The following GSK3B variants were observed in gnomAD, a reference collection of about 807,000 sequenced individuals.
GSK3B encodes glycogen synthase kinase-3 beta.
GSK3B carries 15 observed loss-of-function variants against 56.4 expected under a neutral mutation model. That is an observed-to-expected ratio of 0.27 (90% CI 0.18 to 0.41). The LOEUF (loss-of-function observed/expected upper bound fraction) is 0.41, where lower values mean the gene tolerates loss of function less well. GSK3B is among the 10% of genes least tolerant of loss of function. GSK3B has a pLI of 1.00. For missense variants in GSK3B, 300 were observed against 513.4 expected (o/e 0.58, Z 4.02); for synonymous variants, 181 against 188.9 (o/e 0.96, Z 0.34).
chr3:119,869,700 A>G (rs1391559446), intron 8 of GSK3B, among the ~76,000 whole-genome samples: 8 of 152,188 alleles, frequency 5.3e-5, no homozygotes, highest in Non-Finnish European at 1.0e-4. Context: ...CTTTTAGTGA[A>G]ACGTATAATA....
chr3:119,943,454 T>C (rs987917761), intron 3 of GSK3B, among the ~76,000 whole-genome samples: 1 of 152,192 alleles, frequency 6.6e-6, no homozygotes, highest in African/African-American at 2.4e-5. Flanking sequence ...TAAATAATTA[T>C]GCATATACCT....
chr3:119,995,676 G>A (rs1174309507), intron 2 of GSK3B, among the ~76,000 whole-genome samples: 15 of 151,364 alleles, frequency 9.9e-5, no homozygotes, highest in Non-Finnish European at 1.3e-4. Context: ...CACCCGCCTC[G>A]GCCTCCCAAA....
intron 2 of GSK3B, among the ~76,000 whole-genome samples, chr3:119,947,898 A>G (rs2057116066): frequency 6.6e-6 from 1 of 151,786 alleles, no homozygotes; most frequent in African/African-American, 2.4e-5. Flanking sequence ...GAAAGAAAAG[A>G]AAAGAAATTA....
intron 7 of GSK3B, among the ~76,000 whole-genome samples, chr3:119,890,163 T>C (rs1468210806): frequency 5.3e-5 from 8 of 152,066 alleles, no homozygotes; most frequent in Non-Finnish European, 1.2e-4. Flanking sequence ...TAAACATATG[T>C]CTGCAAAAAC....
intron 3 of GSK3B, among the ~76,000 whole-genome samples, chr3:119,941,697 AAATTAATGT>A (rs778160473): frequency 3.3e-5 from 5 of 152,236 alleles, no homozygotes; most frequent in Non-Finnish European, 7.3e-5. Context: ...GTAAAATAGT[AAATTAATGT>A]TTATTAAGTG....
At chr3:120,084,576 T>G (rs1312743946) in intron 1 of GSK3B, 1 of 152,210 alleles carries the variant, frequency 6.6e-6, no homozygotes, top group African/African-American at 2.4e-5. Context: ...CGTACGCTCT[T>G]AAAGAAGTAA....
intron 1 of GSK3B, among the ~76,000 whole-genome samples, chr3:120,012,011 C>A (rs1160724677): frequency 6.6e-6 from 1 of 152,104 alleles, no homozygotes; most frequent in Non-Finnish European, 1.5e-5. Context: ...TTTCCAATAA[C>A]ATAATGTAAA....
At chr3:119,960,151 C>CAAAAAAAAAAAAAAAAA (rs574956694) in intron 2 of GSK3B, among the ~76,000 whole-genome samples, 1 of 74,642 alleles carries the variant, frequency 1.3e-5, no homozygotes, top group Non-Finnish European at 2.5e-5. Context: ...TATGCTGAGA[C>CAAAAAAAAAAAAAAAAA]AAAAAAAAAA....
intron 8 of GSK3B, among the ~76,000 whole-genome samples, chr3:119,864,948 C>T (rs1274857048): frequency 6.6e-6 from 1 of 151,980 alleles, no homozygotes; most frequent in African/African-American, 2.4e-5. Context: ...ACAAAGAAAC[C>T]TTTTTGTAAG....
intron 9 of GSK3B, among the ~76,000 whole-genome samples, chr3:119,855,003 T>C (rs2055996417): frequency 6.6e-6 from 1 of 152,230 alleles, no homozygotes; most frequent in Admixed American, 6.5e-5. Context: ...TTCTTTTAAT[T>C]GTGATGTTAG....
intron 2 of GSK3B, among the ~76,000 whole-genome samples, chr3:119,983,982 A>C (rs1269719637): frequency 2.0e-5 from 3 of 152,228 alleles, no homozygotes; most frequent in Non-Finnish European, 4.4e-5. Flanking sequence ...CAAATGTAAA[A>C]GGACAGAAAG....
chr3:119,897,481 GT>G (rs2056580676), intron 7 of GSK3B, among the ~76,000 whole-genome samples: 2 of 151,686 alleles, frequency 1.3e-5, no homozygotes. Flanking sequence ...TTATTTCCTT[GT>G]ACTATAATAG....
chr3:120,067,434 T>G (rs1559898701), intron 1 of GSK3B, among the ~76,000 whole-genome samples: 2 of 152,158 alleles, frequency 1.3e-5, no homozygotes, highest in African/African-American at 4.8e-5. Flanking sequence ...ACCTTAAACA[T>G]GATCCAACAC....
intron 1 of GSK3B, among the ~76,000 whole-genome samples, chr3:120,073,733 T>C (rs1248963903): frequency 1.3e-5 from 2 of 152,204 alleles, no homozygotes; most frequent in Non-Finnish European, 2.9e-5. Flanking sequence ...GTTCGAAGTA[T>C]GGCTATGCAT....
At chr3:120,029,961 G>T in intron 1 of GSK3B, 1 of 498,180 alleles carries the variant, frequency 2.0e-6, no homozygotes, top group Admixed American at 2.1e-5. Flanking sequence ...CTATGCTCTG[G>T]CTTGAAAGAC....
intron 7 of GSK3B, among the ~76,000 whole-genome samples, chr3:119,892,103 G>T (rs1312114244): frequency 6.6e-6 from 1 of 152,096 alleles, no homozygotes; most frequent in Non-Finnish European, 1.5e-5. Context: ...CCACAACGTT[G>T]TTTATTTTAT....
At chr3:119,827,631 AAAGAG>A (rs1452173733) in intron 10 of GSK3B, among the ~76,000 whole-genome samples, 2 of 151,722 alleles carry the variant, frequency 1.3e-5, no homozygotes, top group African/African-American at 4.8e-5. Context: ...AGAAGAAAGA[AAAGAG>A]AAAAGAAAAA....
chr3:119,869,514 T>G (rs1437176053), intron 8 of GSK3B, among the ~76,000 whole-genome samples: 1 of 152,148 alleles, frequency 6.6e-6, no homozygotes, highest in Non-Finnish European at 1.5e-5. Context: ...GTAAAGAAGG[T>G]TGAGCATAAG....
At position 119,824,448 on chromosome 3, in the gene GSK3B, ACT is replaced by A. The variant is rs1474748926; in HGVS notation, c.*2338_*2339del. 3 of 214,896 alleles carry A rather than the reference ACT, an allele frequency of 1.4e-5. No homozygotes were observed. Among genetic ancestry groups the A allele is most frequent in the African/African-American group, 6.8e-5 (3 of 44,260 alleles). 13.3% of individuals were successfully genotyped at this position (214,896 alleles called of 1,614,324 possible). ...GGGCAACCTGTTTCCTAAAATAAGC[ACT>A]GATTTTTATGGACTCTGGGGAGTAT... On this transcript the variant is annotated 3_prime_UTR_variant, in exon 11 of 11. Coordinates refer to ENST00000264235, the MANE Select transcript of GSK3B (RefSeq NM_001146156.2).
Sources: allele counts gnomAD v4.1 joint callset (sites outside exome capture counted in the v4.1 genomes callset), GRCh38; gene constraint gnomAD v4.1.1; transcripts MANE v1.5; gene names NCBI Gene and HGNC (gene_info 2026-07-23, HGNC 2026-07-21).